The following ZNF219 variants were observed in gnomAD, a reference collection of about 807,000 sequenced individuals.
ZNF219 encodes zinc finger protein 219.
In ZNF219, 17 loss-of-function variants were observed where a neutral mutation model predicts 54.4. That is an observed-to-expected ratio of 0.31 (90% CI 0.21 to 0.47). The LOEUF (loss-of-function observed/expected upper bound fraction) is 0.47, where lower values mean the gene tolerates loss of function less well. ZNF219 is among the 20% of genes least tolerant of loss of function. ZNF219 has a pLI of 1.00. For synonymous variants in ZNF219, 518 were observed against 476.4 expected (o/e 1.09, Z -1.14); for missense variants, 1,014 against 1,062.3 (o/e 0.95, Z 0.63).
At chr14:21,091,837 A>G (rs568787052) in intron 3 of ZNF219, 28 bp downstream of exon 3, 1 of 1,493,340 alleles carries the variant, frequency 6.7e-7, no homozygotes, top group Admixed American at 2.3e-5. Context: ...GACGCGGCGT[A>G]CCCGGAGAGC....
At chr14:21,097,379 A>T (rs1007748389) in intron 1 of ZNF219, 1 of 152,292 alleles carries the variant, frequency 6.6e-6, no homozygotes, top group Non-Finnish European at 1.5e-5. Context: ...GTCCTAACGC[A>T]ACCCCGATTT....
chr14:21,097,693 G>A (rs2139326708), intron 1 of ZNF219, among the ~76,000 whole-genome samples: 1 of 152,278 alleles, frequency 6.6e-6, no homozygotes, highest in South Asian at 2.1e-4. Flanking sequence ...AGATAGGGAG[G>A]CCAAGGCTCA....
upstream of ZNF219, chr14:21,101,549 T>C (rs1889631782): frequency 1.5e-5 from 17 of 1,158,566 alleles, no homozygotes; most frequent in Non-Finnish European, 2.1e-5. Flanking sequence ...GCACCTACCA[T>C]GTGCCAGAAA....
chr14:21,090,370 C>T lies in ZNF219; in HGVS notation c.*166G>A. The T allele has an allele frequency of 1.1e-6, 1 of 936,820 alleles. No individual in the cohort carries two copies. Among genetic ancestry groups the T allele is most frequent in the Admixed American group, 2.3e-5 (1 of 43,512 alleles). 58.0% of individuals were successfully genotyped at this position (936,820 alleles called of 1,614,324 possible). A position where few individuals can be genotyped will look rare whatever the true frequency, so the allele number is the denominator to read the frequency against. On this transcript the variant is annotated 3_prime_UTR_variant, in exon 5 of 5. Transcript: ENST00000360947. This position sits in a 1 kb window ranked among gnomAD's most constrained non-coding sequence, Gnocchi z 4.4. ...GTGACTCCCTTGGGCTGGGTGGGTA[C>T]CGCCAGCCCACCCTCCTACGCCCGC...
chr14:21,095,248 G>C (rs1889225951), intron 1 of ZNF219, among the ~76,000 whole-genome samples: 1 of 152,200 alleles, frequency 6.6e-6, no homozygotes, highest in African/African-American at 2.4e-5. Flanking sequence ...AGGGTCACTA[G>C]ACGACCTCCA....
intron 1 of ZNF219, chr14:21,094,304 G>A (rs1375453257): frequency 2.7e-5 from 12 of 449,488 alleles, no homozygotes; most frequent in South Asian, 1.7e-4. Context: ...GGGAGCCAGA[G>A]GGAGAGGGAA....
chr14:21,090,878 G>C lies in ZNF219; in HGVS notation c.1827C>G (p.Pro609=). 2 of 1,551,802 alleles carry C rather than the reference G, an allele frequency of 1.3e-6. No individual in the cohort carries two copies. Among genetic ancestry groups the C allele is most frequent in the Non-Finnish European group, 1.7e-6 (2 of 1,150,202 alleles). The change falls in exon 5 of 5, where the codon CCC becomes CCG. Residue 609 remains proline (P), a synonymous_variant. Coordinates refer to ENST00000360947, the MANE Select transcript of ZNF219 (RefSeq NM_016423.3). This position sits in a 1 kb window ranked among gnomAD's most constrained non-coding sequence, Gnocchi z 4.4. ...TGCGCAGGGTCCTCCCAGGGCTGGC[G>C]GGCTTCCGACGGGACCCCGGCCCAG... The part of the protein sequence containing the change: ...SGAGPGSRRK[P]ASPGRTLRNG...
At chr14:21,095,062 G>A (rs1463257158) in intron 1 of ZNF219, among the ~76,000 whole-genome samples, 2 of 152,130 alleles carry the variant, frequency 1.3e-5, no homozygotes, top group Non-Finnish European at 2.9e-5. Flanking sequence ...ACTGTGCCAG[G>A]AGTCAACCTG....
chr14:21,104,047 AGAT>A (rs2139360039), intron 1 of ZNF219: 1 of 152,408 alleles, frequency 6.6e-6, no homozygotes, highest in East Asian at 1.9e-4. Flanking sequence ...AAGGGGTTGG[AGAT>A]GATGAGTCAG....
At position 21,091,512 on chromosome 14, in the gene ZNF219, C is replaced by CGGGTCCCTCCAACCAACAGCCCATTCT. The variant is rs1888867897; in HGVS notation, c.1436_1462dup (p.Thr487_Arg488insGlnAsnGlyLeuLeuValGlyGlyThr). ...GGTGGCGCCCCGGCCCCCTTCAGGCCGGGTCCCTCCAACCAACAGCCCATT... is the reference window on the plus strand; with the variant it reads ...GGTGGCGCCCCGGCCCCCTTCAGGCCGGGTCCCTCCAACCAACAGCCCATTCTGGGTCCCTCCAACCAACAGCCCATT... On this transcript the variant is annotated inframe_insertion, in exon 4 of 5. Transcript: ENST00000360947. 1 of 1,607,658 alleles carries CGGGTCCCTCCAACCAACAGCCCATTCT rather than the reference C, an allele frequency of 6.2e-7. No homozygotes were observed. Among genetic ancestry groups the CGGGTCCCTCCAACCAACAGCCCATTCT allele is most frequent in the Non-Finnish European group, 8.5e-7 (1 of 1,175,318 alleles).
chr14:21,091,641 G>T (rs1888883911), intron 3 of ZNF219, 99 bp from the exon 4 acceptor site: 1 of 1,498,192 alleles, frequency 6.7e-7, no homozygotes. Flanking sequence ...CTTCCCCTCG[G>T]GGTCCAGGAG....
chr14:21,104,599 G>C (rs1889837578), exon 1 of ZNF219: 1 of 152,268 alleles, frequency 6.6e-6, no homozygotes, highest in African/African-American at 2.4e-5. Context: ...AGAGAATGCT[G>C]CTTCTCCCGG....
At chr14:21,094,815 A>G (rs1293057920) in intron 1 of ZNF219, among the ~76,000 whole-genome samples, 3 of 149,032 alleles carry the variant, frequency 2.0e-5, no homozygotes, top group Non-Finnish European at 1.5e-5. Flanking sequence ...TCATGGAAAC[A>G]GACCTGGGAG....
intron 3 of ZNF219, 58 bp downstream of exon 3, chr14:21,091,807 C>T (rs1159219655): frequency 4.1e-6 from 6 of 1,478,882 alleles, no homozygotes; most frequent in East Asian, 2.4e-5. Flanking sequence ...GAGGGAGTGG[C>T]GGCGTAAGAG....
Position 21,090,689 on chromosome 14 carries a change from C to G in ZNF219, c.2016G>C (p.Arg672=). ...ALHLQVHHSR[R]ARGRRPPQAD... ...CCTGGGGTGGCCGGCGGCCCCTAGC[C>G]CGGCGGCTGTGGTGCACTTGAAGGT... is the stretch of plus-strand genomic sequence containing the variant. The change falls in exon 5 of 5, where the codon CGG becomes CGC. Residue 672 remains arginine (R), a synonymous_variant. Coordinates refer to ENST00000360947, the MANE Select transcript of ZNF219 (RefSeq NM_016423.3). The surrounding 1 kb of genome is among the most constrained non-coding windows in gnomAD (Gnocchi z 4.4). 6.2e-7 allele frequency: 1 copy of G among 1,611,438 alleles called. No homozygotes were observed. Among genetic ancestry groups the G allele is most frequent in the Middle Eastern group, 1.7e-4 (1 of 6,060 alleles).
chr14:21,091,648 G>A, intron 3 of ZNF219, 106 bp from the exon 4 acceptor site: 1 of 1,495,774 alleles, frequency 6.7e-7, no homozygotes, highest in Non-Finnish European at 8.9e-7. Context: ...TCGGGGTCCA[G>A]GAGGAAACAA....
Position 21,098,572 on chromosome 14 carries a change from C to A in ZNF219, c.-344G>T, listed in dbSNP as rs1436690451. On this transcript the variant is annotated 5_prime_UTR_variant, in exon 1 of 5. Coordinates refer to ENST00000360947, the MANE Select transcript of ZNF219 (RefSeq NM_016423.3). ...GGCTGGGAGCCGCGCGGGAGCCGGG[C>A]TCTGGCTCCGGGGACAGGGAGCTGG... 1 of 992,910 alleles carries A rather than the reference C, an allele frequency of 1.0e-6. No homozygotes were observed. The highest frequency in any genetic ancestry group is 1.2e-6 in the Non-Finnish European group (1 of 834,750). 61.5% of individuals were successfully genotyped at this position (992,910 alleles called of 1,614,324 possible). A position where few individuals can be genotyped will look rare whatever the true frequency, so the allele number is the denominator to read the frequency against.
At chr14:21,099,905 C>T (rs951794129), upstream of ZNF219, among the ~76,000 whole-genome samples, 11 of 152,146 alleles carry the variant, frequency 7.2e-5, no homozygotes, top group African/African-American at 2.7e-4. Flanking sequence ...CCCCAGCTTC[C>T]TTCTGAATAA....
intron 1 of ZNF219, among the ~76,000 whole-genome samples, chr14:21,096,653 A>G (rs963678936): frequency 6.6e-6 from 1 of 152,238 alleles, no homozygotes; most frequent in African/African-American, 2.4e-5. Context: ...TTTGGATTCT[A>G]TAAGGATGCG....
Sources: gnomAD v4.1 joint callset for allele counts (sites outside exome capture counted in the v4.1 genomes callset) on GRCh38, gnomAD v4.1.1 for gene constraint, Gnocchi (gnomAD v3.1) non-coding constraint, MANE v1.5 for transcripts, NCBI Gene and HGNC (gene_info 2026-07-23, HGNC 2026-07-21) for gene names.